Variants in ADAM11 observed in about 807,000 individuals in gnomAD.
The protein encoded by ADAM11 is disintegrin and metalloproteinase domain-containing protein 11.
Under a neutral mutation model 119.1 loss-of-function variants are expected in ADAM11, and 49 were observed. The ratio of observed to expected loss-of-function variants is 0.41; its 90% confidence interval spans 0.33 to 0.52. The LOEUF (loss-of-function observed/expected upper bound fraction) is 0.52. Ranked by LOEUF, ADAM11 falls within the 20% of genes least tolerant of loss-of-function variation. The pLI, the probability that ADAM11 is intolerant of heterozygous loss-of-function variation, is 0.20. For synonymous variants in ADAM11, 364 were observed against 408.0 expected (o/e 0.89, Z 1.30); for missense variants, 777 against 1,047.5 (o/e 0.74, Z 3.56).
At chr17:44,766,352 G>C (rs901646324) in intron 2 of ADAM11, among the ~76,000 whole-genome samples, 3 of 152,248 alleles carry the variant, frequency 2.0e-5, no homozygotes, top group African/African-American at 7.2e-5. Context: ...GTGTCTGTAG[G>C]TCTGGGGCAG....
In ADAM11 at chr17:44,772,297, C is replaced by A; in HGVS notation, c.574C>A (p.Pro192Thr). 1 of 1,608,122 alleles carries A rather than the reference C, an allele frequency of 6.2e-7. No individual in the cohort carries two copies. The change falls in exon 7 of 27, where the codon CCT becomes ACT. Residue 192 changes from proline to threonine, a missense_variant. This residue lies in a region of ADAM11 where 278 missense variants were observed against 310.1 expected (regional missense o/e 0.90). Coordinates refer to ENST00000200557, the MANE Select transcript of ADAM11 (RefSeq NM_002390.6). The surrounding 1 kb of genome is among the most constrained non-coding windows in gnomAD (Gnocchi z 4.5). ...CCTTCCCCACCTCATTTACCGGACC[C>A]CTCTCCTCCCAGATCCCCTCGGATG... is the stretch of plus-strand genomic sequence containing the variant. ...GPLPHLIYRTPLLPDPLGCRE... is the reference protein window; with the variant it reads ...GPLPHLIYRTTLLPDPLGCRE...
At position 44,779,988 on chromosome 17, in the gene ADAM11, T is replaced by C. The variant is rs768132358; in HGVS notation, c.*234T>C. On this transcript the variant is annotated 3_prime_UTR_variant, in exon 27 of 27. Transcript: ENST00000200557. ...CAGTCCCCCACCCACCTCCTGCGGC[T>C]CAGCCTTGCACACCCACTGCCCCGT... 6.7e-5 allele frequency: 48 copies of C among 713,482 alleles called. No homozygotes were observed. Among genetic ancestry groups the C allele is most frequent in the Middle Eastern group, 2.3e-4 (1 of 4,400 alleles). The allele number at this position is 713,482 out of a possible 1,614,324, so 44.2% of individuals were successfully genotyped here.
rs757165559 is a variant in ADAM11, at chr17:44,759,823, A to G, written c.163A>G (p.Arg55Gly). Reference protein sequence around the residue: ...PEVTEPSRLVRESSGGEVRKQ... With the variant: ...PEVTEPSRLVGESSGGEVRKQ... ...GGTCACGGAACCCAGCCGTCTGGTT[A>G]GGGAGAGCTCCGGGGGAGAGGTCCG... is the stretch of plus-strand genomic sequence containing the variant. Residue 55 changes from arginine to glycine, a missense_variant, in exon 2 of 27, where the codon AGG (arginine) becomes GGG (glycine). Physicochemically the swap from Arg to Gly is moderately radical, Grantham distance 125. Coordinates refer to ENST00000200557, the MANE Select transcript of ADAM11 (RefSeq NM_002390.6). 7.6e-7 allele frequency: 1 copy of G among 1,316,898 alleles called. No homozygotes were observed. The highest frequency in any genetic ancestry group is 3.0e-5 in the South Asian group (1 of 32,868). The allele number at this position is 1,316,898 out of a possible 1,614,324, so 81.6% of individuals were successfully genotyped here.
In ADAM11 at chr17:44,775,921, G is replaced by A. The variant is rs916221237; in HGVS notation, c.1486-206G>A. ...TCAAGGAGGGGCGGGAAGGTGGGCG[G>A]GCTTGGGGGCGGTGCTGAGTGCGCT... is the stretch of plus-strand genomic sequence containing the variant. On this transcript the variant is annotated intron_variant, in intron 17 of 26. Coordinates refer to ENST00000200557, the MANE Select transcript of ADAM11 (RefSeq NM_002390.6). The surrounding 1 kb of genome is among the most constrained non-coding windows in gnomAD (Gnocchi z 7.5). Among the ~76,000 whole-genome samples the A allele has an allele frequency of 7.2e-5, 11 of 152,198 alleles. No homozygotes were observed. Among genetic ancestry groups the A allele is most frequent in the Non-Finnish European group, 1.6e-4 (11 of 67,998 alleles).
Position 44,769,787 on chromosome 17 carries a change from C to G in ADAM11, c.307C>G (p.Leu103Val). The G allele has an allele frequency of 6.2e-7, 1 of 1,614,088 alleles. No individual in the cohort carries two copies. The highest frequency in any genetic ancestry group is 8.5e-7 in the Non-Finnish European group (1 of 1,179,948). Residue 103 changes from leucine (L) to valine (V), a missense_variant, in exon 3 of 27, where the codon CTG (leucine) becomes GTG (valine). Leu to Val is a conservative substitution (Grantham distance 32). Transcript: ENST00000200557. ...CTCAAACTTCACCCTGGACCTGGAG[C>G]TGAACCAGTGAGTGTGGCCTTGAGC... ...FNSNFTLDLE[L>V]NHHLLSSQYV...
At position 44,777,158 on chromosome 17, in the gene ADAM11, C is replaced by A; in HGVS notation, c.1682-8C>A. On this transcript the variant is annotated splice_polypyrimidine_tract_variant and splice_region_variant and intron_variant, in intron 20 of 26. Coordinates refer to ENST00000200557, the MANE Select transcript of ADAM11 (RefSeq NM_002390.6). This position sits in a 1 kb window ranked among gnomAD's most constrained non-coding sequence, Gnocchi z 5.1. ...CGCGTGGGGTCACTTGGCATCCTCT[C>A]CCCACAGCGGCTGCTGATCGCTTCT... 6.3e-7 allele frequency: 1 copy of A among 1,593,768 alleles called. No individual in the cohort carries two copies. The highest frequency in any genetic ancestry group is 8.5e-7 in the Non-Finnish European group (1 of 1,170,936).
chr17:44,766,292 G>A (rs1331434900), intron 2 of ADAM11, among the ~76,000 whole-genome samples: 3 of 152,192 alleles, frequency 2.0e-5, no homozygotes, highest in African/African-American at 7.2e-5. Flanking sequence ...GAATTTCCTG[G>A]AGAATTTGAG....
intron 2 of ADAM11, among the ~76,000 whole-genome samples, chr17:44,768,408 C>G (rs1157007146): frequency 6.6e-6 from 1 of 152,188 alleles, no homozygotes; most frequent in African/African-American, 2.4e-5. Flanking sequence ...GCTCCTCTCC[C>G]AGGACCTCTC....
chr17:44,774,976 G>A (rs2049578438), intron 14 of ADAM11, among the ~76,000 whole-genome samples: 1 of 152,232 alleles, frequency 6.6e-6, no homozygotes, highest in Non-Finnish European at 1.5e-5. Flanking sequence ...ACTGGGCGCC[G>A]CCCAAGCCTC....
Position 44,775,562 on chromosome 17 carries a change from C to A in ADAM11, c.1393-22C>A. On this transcript the variant is annotated intron_variant, in intron 16 of 26. Coordinates refer to ENST00000200557, the MANE Select transcript of ADAM11 (RefSeq NM_002390.6). The surrounding 1 kb of genome is among the most constrained non-coding windows in gnomAD (Gnocchi z 7.5). The stretch of plus-strand genomic sequence containing the variant: ...AGGATTAGGGCTCGCCCGCCTCCTT[C>A]CCCTCCTCCCGCGTCCCTCAGGAGT... 6.4e-7 allele frequency: 1 copy of A among 1,561,120 alleles called. No homozygotes were observed. The highest frequency in any genetic ancestry group is 2.4e-5 in the East Asian group (1 of 42,246).
chr17:44,777,036 G>T lies in ADAM11; in HGVS notation c.1681+74G>T. The T allele has an allele frequency of 6.4e-7, 1 of 1,566,768 alleles. No individual in the cohort carries two copies. Among genetic ancestry groups the T allele is most frequent in the Non-Finnish European group, 8.7e-7 (1 of 1,150,070 alleles). On this transcript the variant is annotated intron_variant, in intron 20 of 26. Coordinates refer to ENST00000200557, the MANE Select transcript of ADAM11 (RefSeq NM_002390.6). The surrounding 1 kb of genome is among the most constrained non-coding windows in gnomAD (Gnocchi z 5.1). Reference sequence around the variant, plus strand: ...GAGAAGCTGGGGAGAGTGGGTTCCAGCTGAACAGGCCCCCAAGTGTGTAGC... The same window carrying T: ...GAGAAGCTGGGGAGAGTGGGTTCCATCTGAACAGGCCCCCAAGTGTGTAGC...
rs748123040 is a variant in ADAM11 at position 44,765,610 on chromosome 17, C to CTTTTTTTTTTTTTTT, written c.238-4099_238-4085dup. ...AATCCTGGTTTTTCTTTTCTTTTCT[C>CTTTTTTTTTTTTTTT]TTTTTTTTTTTTTTTTTTTTTTTGT... On this transcript the variant is annotated intron_variant, in intron 2 of 26. Transcript: ENST00000200557. 1.1e-3 allele frequency among the ~76,000 whole-genome samples: 114 copies of CTTTTTTTTTTTTTTT among 99,878 alleles called. 3 individuals carry two copies. The highest frequency in any genetic ancestry group is 1.5e-3 in the African/African-American group (39 of 25,166). 65.5% of individuals were successfully genotyped at this position (99,878 alleles called of 152,430 possible).
intron 2 of ADAM11, 23 bp from the exon 3 acceptor site, chr17:44,769,695 C>T (rs200799665): frequency 4.6e-5 from 72 of 1,580,654 alleles, no homozygotes; most frequent in Admixed American, 4.5e-4. Context: ...GGTTGACTCC[C>T]CCTCTGCCCT....
intron 26 of ADAM11, chr17:44,779,498 A>G (rs1382021622): frequency 3.5e-5 from 34 of 985,230 alleles, no homozygotes; most frequent in Non-Finnish European, 4.1e-5. Context: ...CTCCCCTGCC[A>G]CCAGGTGGAA....
At position 44,781,129 on chromosome 17, in the gene ADAM11, G is replaced by GT. The variant is rs1296966904; in HGVS notation, c.*1377dup. The stretch of plus-strand genomic sequence containing the variant: ...AGTGAATACAGTTCTTGTCACCAGG[G>GT]TTGCCCTGCCCTCACTCGGCAGGGA... On this transcript the variant is annotated 3_prime_UTR_variant, in exon 27 of 27. Transcript: ENST00000200557. The GT allele has an allele frequency of 1.3e-5, 2 of 152,236 alleles. No homozygotes were observed. Among genetic ancestry groups the GT allele is most frequent in the Non-Finnish European group, 2.9e-5 (2 of 68,054 alleles). 9.4% of individuals were successfully genotyped at this position (152,236 alleles called of 1,614,324 possible). A position where few individuals can be genotyped will look rare whatever the true frequency, so the allele number is the denominator to read the frequency against.
chr17:44,773,481 T>A lies in ADAM11; in HGVS notation c.992+54T>A, dbSNP rs2049555950. 3.2e-6 allele frequency: 5 copies of A among 1,583,184 alleles called. No homozygotes were observed. The South Asian group carries it at 5.7e-5, about 18-fold the overall frequency. On this transcript the variant is annotated intron_variant, in intron 11 of 26. Transcript: ENST00000200557. This position sits in a 1 kb window ranked among gnomAD's most constrained non-coding sequence, Gnocchi z 4.6. ...AGCCTCTGCTAGTTGCTACAGTGCT[T>A]GGGATTACTTAACACCTGCCCTGTG...
rs2049357487 is a variant in ADAM11 at position 44,759,157 on chromosome 17, C to T, written c.-43C>T. 7.9e-7 allele frequency: 1 copy of T among 1,267,234 alleles called. No individual in the cohort carries two copies. The highest frequency in any genetic ancestry group is 9.9e-7 in the Non-Finnish European group (1 of 1,005,752). The allele number at this position is 1,267,234 out of a possible 1,614,324, so 78.5% of individuals were successfully genotyped here. On this transcript the variant is annotated 5_prime_UTR_variant, in exon 1 of 27. Coordinates refer to ENST00000200557, the MANE Select transcript of ADAM11 (RefSeq NM_002390.6). Reference sequence around the variant, plus strand: ...GTCCCTGCTCCCGCCCTCCCCGCGCCGCTGGCAGCCGCAGCCCCCGGACCG... The same window carrying T: ...GTCCCTGCTCCCGCCCTCCCCGCGCTGCTGGCAGCCGCAGCCCCCGGACCG...
chr17:44,772,416 C>A lies in ADAM11; in HGVS notation c.628C>A (p.Pro210Thr). 6.3e-7 allele frequency: 1 copy of A among 1,577,984 alleles called. No individual in the cohort carries two copies. The highest frequency in any genetic ancestry group is 8.6e-7 in the Non-Finnish European group (1 of 1,161,254). Residue 210 changes from proline (P) to threonine (T), a missense_variant, in exon 8 of 27, where the codon CCT (proline) becomes ACT (threonine). Coordinates refer to ENST00000200557, the MANE Select transcript of ADAM11 (RefSeq NM_002390.6). This position sits in a 1 kb window ranked among gnomAD's most constrained non-coding sequence, Gnocchi z 4.5. ...CCCCACAGGCTGCCTGTTTGCTGTG[C>A]CTGCCCAGTCGGCTCCTCCAAACCG... ...CREPGCLFAVPAQSAPPNRPR... is the reference protein window; with the variant it reads ...CREPGCLFAVTAQSAPPNRPR...
At position 44,776,653 on chromosome 17, in the gene ADAM11, G is replaced by C; in HGVS notation, c.1567-92G>C. ...AGCCCTGTGGCATGAGCCCCCAATG[G>C]GGGGCACTTGGTACCCCAGCATTCC... On this transcript the variant is annotated intron_variant, in intron 18 of 26. Coordinates refer to ENST00000200557, the MANE Select transcript of ADAM11 (RefSeq NM_002390.6). The surrounding 1 kb of genome is among the most constrained non-coding windows in gnomAD (Gnocchi z 5.2). 3 of 1,480,196 alleles carry C rather than the reference G, an allele frequency of 2.0e-6. No homozygotes were observed. The South Asian group carries it at 3.6e-5, about 18-fold the overall frequency. 91.7% of individuals were successfully genotyped at this position (1,480,196 alleles called of 1,614,324 possible).
Sources: gnomAD v4.1 joint callset for allele counts (sites outside exome capture counted in the v4.1 genomes callset) on GRCh38, gnomAD v4.1.1 for gene constraint, gnomAD v4.1.1 regional missense constraint, Gnocchi (gnomAD v3.1) non-coding constraint, MANE v1.5 for transcripts, NCBI Gene and HGNC (gene_info 2026-07-23, HGNC 2026-07-21) for gene names.